Variants in KIAA0319L observed in about 807,000 individuals in gnomAD.
KIAA0319L encodes the protein KIAA0319 like.
A neutral mutation model predicts 120.1 loss-of-function variants in KIAA0319L; 55 were observed. The observed-to-expected ratio is 0.46, with a 90% CI of 0.37 to 0.57. The LOEUF (loss-of-function observed/expected upper bound fraction) is 0.57, where lower values mean the gene tolerates loss of function less well. Ranked by LOEUF, KIAA0319L falls within the 20% of genes least tolerant of loss-of-function variation. The probability of loss-of-function intolerance (pLI) is 0.00; values close to 1 mark genes in which losing one functional copy is unlikely to be tolerated. For missense variants in KIAA0319L, 1,049 were observed against 1,255.3 expected (o/e 0.84, Z 2.48); for synonymous variants, 398 against 471.9 (o/e 0.84, Z 2.03).
intron 7 of KIAA0319L, among the ~76,000 whole-genome samples, chr1:35,464,940 C>G (rs977885615): frequency 6.6e-6 from 1 of 152,212 alleles, no homozygotes. Flanking sequence ...TGCAAGTACA[C>G]AGAAGTCAAA....
intron 3 of KIAA0319L, among the ~76,000 whole-genome samples, chr1:35,495,547 G>A (rs918786581): frequency 3.9e-5 from 6 of 152,160 alleles, no homozygotes; most frequent in African/African-American, 1.4e-4. Context: ...GTTACAGACT[G>A]GGAGAGAATA....
rs1260360419 is a variant in KIAA0319L, at chr1:35,551,987, T to TCATC, written c.142+2359_142+2362dup. On this transcript the variant is annotated intron_variant, in intron 2 of 20. Transcript: ENST00000325722. ...CACAGAAAGACTTGGAATTGCTTCT[T>TCATC]CATCCTCTATACTTTGAATCCCTCA... is the stretch of plus-strand genomic sequence containing the variant. 3.3e-5 allele frequency among the ~76,000 whole-genome samples: 5 copies of TCATC among 152,068 alleles called. 1 individual carries two copies. The East Asian group carries it at 9.6e-4, about 29-fold the overall frequency.
At position 35,557,210 on chromosome 1, in the gene KIAA0319L, G is replaced by C; in HGVS notation, c.-32C>G. 1 of 170,474 alleles carries C rather than the reference G, an allele frequency of 5.9e-6. No homozygotes were observed. The highest frequency in any genetic ancestry group is 1.1e-4 in the South Asian group (1 of 9,002). The allele number at this position is 170,474 out of a possible 1,614,324, so 10.6% of individuals were successfully genotyped here. ...CCAGCCGCCCCCGGCCACCTACCGG[G>C]GCTCAGGGCCACATAGCGGGGCCCC... On this transcript the variant is annotated 5_prime_UTR_variant, in exon 1 of 21. Transcript: ENST00000325722.
chr1:35,453,769 G>A lies in KIAA0319L; in HGVS notation c.1781-80C>T, dbSNP rs112452837. On this transcript the variant is annotated intron_variant, in intron 11 of 20. Coordinates refer to ENST00000325722, the MANE Select transcript of KIAA0319L (RefSeq NM_024874.5). The surrounding 1 kb of genome is among the most constrained non-coding windows in gnomAD (Gnocchi z 4.1). ...GGAACCAATTGGGACACATGTTCTG[G>A]AAGCCATGGACTCTGCCTCTCAGGC... The A allele has an allele frequency of 1.8e-4, 251 of 1,427,570 alleles. No homozygotes were observed. The African/African-American group carries it at 3.0e-3, about 17-fold the overall frequency. The allele number at this position is 1,427,570 out of a possible 1,614,324, so 88.4% of individuals were successfully genotyped here. A position where few individuals can be genotyped will look rare whatever the true frequency, so the allele number is the denominator to read the frequency against.
intron 12 of KIAA0319L, 37 bp from the exon 13 acceptor site, chr1:35,451,813 G>A: frequency 6.2e-7 from 1 of 1,608,622 alleles, no homozygotes; most frequent in Non-Finnish European, 8.5e-7. Flanking sequence ...AGTTGTACCT[G>A]TCTGCTGCTG....
intron 2 of KIAA0319L, among the ~76,000 whole-genome samples, chr1:35,525,457 T>G (rs1445109913): frequency 6.6e-6 from 1 of 152,212 alleles, no homozygotes; most frequent in Non-Finnish European, 1.5e-5. Context: ...CTACTTTACA[T>G]TCCCTCCAAT....
chr1:35,541,818 G>A (rs1004134316), intron 2 of KIAA0319L, among the ~76,000 whole-genome samples: 2 of 152,218 alleles, frequency 1.3e-5, no homozygotes, highest in Non-Finnish European at 2.9e-5. Flanking sequence ...AGGTGGAGTC[G>A]TGGCAGCAGA....
Position 35,493,748 on chromosome 1 carries a change from G to C in KIAA0319L, c.666+12864C>G, listed in dbSNP as rs192780823. On this transcript the variant is annotated intron_variant, in intron 3 of 20. Coordinates refer to ENST00000325722, the MANE Select transcript of KIAA0319L (RefSeq NM_024874.5). ...TAGTCCCAGCTAGTTGGGGGGCTGAGGCAGGAGGATCACTTGAGCCCAGGA... is the reference window on the plus strand; with the variant it reads ...TAGTCCCAGCTAGTTGGGGGGCTGACGCAGGAGGATCACTTGAGCCCAGGA... 2.8e-3 allele frequency among the ~76,000 whole-genome samples: 420 copies of C among 152,140 alleles called. 13 individuals are homozygous for C. The highest frequency in any genetic ancestry group is 0.023 in the Admixed American group (352 of 15,266).
chr1:35,435,906 C>A (rs1402214261), intron 20 of KIAA0319L, among the ~76,000 whole-genome samples: 1 of 152,180 alleles, frequency 6.6e-6, no homozygotes, highest in Admixed American at 6.5e-5. Flanking sequence ...AAACAGCAGG[C>A]TGAGATAGCA....
At chr1:35,534,509 T>C (rs1646492115) in intron 2 of KIAA0319L, among the ~76,000 whole-genome samples, 1 of 152,190 alleles carries the variant, frequency 6.6e-6, no homozygotes, top group Non-Finnish European at 1.5e-5. Flanking sequence ...TCCTTTCCTA[T>C]AACACTGTCA....
chr1:35,496,765 G>A (rs1054104435), intron 3 of KIAA0319L, among the ~76,000 whole-genome samples: 1 of 152,020 alleles, frequency 6.6e-6, no homozygotes, highest in Non-Finnish European at 1.5e-5. Context: ...CCAACATGGT[G>A]AAAACCCGTC....
chr1:35,540,841 C>T (rs1646757579), intron 2 of KIAA0319L, among the ~76,000 whole-genome samples: 1 of 152,186 alleles, frequency 6.6e-6, no homozygotes, highest in Non-Finnish European at 1.5e-5. Context: ...TGCCATCCCT[C>T]TCAAAGGGAA....
intron 3 of KIAA0319L, among the ~76,000 whole-genome samples, chr1:35,499,233 T>C (rs1366986708): frequency 6.6e-6 from 1 of 152,100 alleles, no homozygotes; most frequent in Non-Finnish European, 1.5e-5. Context: ...ACAGACTGAA[T>C]GTTTGTGTTC....
At chr1:35,537,549 G>C (rs1646627342) in intron 2 of KIAA0319L, among the ~76,000 whole-genome samples, 2 of 146,024 alleles carry the variant, frequency 1.4e-5, no homozygotes, top group South Asian at 2.2e-4. Context: ...ATGGCCAATA[G>C]AGGAAAAGTT....
intron 6 of KIAA0319L, among the ~76,000 whole-genome samples, chr1:35,467,308 T>C (rs1643332837): frequency 6.6e-6 from 1 of 152,020 alleles, no homozygotes; most frequent in Non-Finnish European, 1.5e-5. Flanking sequence ...AGTTCCCAAA[T>C]ATCTGAATAT....
chr1:35,534,394 C>T (rs1570984358), intron 2 of KIAA0319L, among the ~76,000 whole-genome samples: 1 of 152,224 alleles, frequency 6.6e-6, no homozygotes, highest in African/African-American at 2.4e-5. Flanking sequence ...ACTATTCACA[C>T]TAACTCTTGA....
At chr1:35,462,504 A>G (rs1642968864) in intron 8 of KIAA0319L, 117 bp downstream of exon 8, 1 of 775,496 alleles carries the variant, frequency 1.3e-6, no homozygotes, top group South Asian at 1.8e-5. Flanking sequence ...AACATGGTCA[A>G]GATGACTGGC....
At chr1:35,549,188 C>T (rs1440655134) in intron 2 of KIAA0319L, among the ~76,000 whole-genome samples, 3 of 151,928 alleles carry the variant, frequency 2.0e-5, no homozygotes, top group South Asian at 2.1e-4. Flanking sequence ...GTAGCTAGGA[C>T]TACAGGTGCC....
chr1:35,467,167 G>T (rs1192831787), intron 6 of KIAA0319L, among the ~76,000 whole-genome samples: 1 of 151,868 alleles, frequency 6.6e-6, no homozygotes, highest in Non-Finnish European at 1.5e-5. Flanking sequence ...CAACAGAAGG[G>T]ATTTCAAATA....
Sources: allele counts gnomAD v4.1 joint callset (sites outside exome capture counted in the v4.1 genomes callset), GRCh38; gene constraint gnomAD v4.1.1; non-coding constraint Gnocchi (gnomAD v3.1); transcripts MANE v1.5; gene names NCBI Gene and HGNC (gene_info 2026-07-23, HGNC 2026-07-21).